Variants in ZNF678 observed in about 807,000 individuals in gnomAD.
The protein encoded by ZNF678 is hypothetical protein MGC42493.
A neutral mutation model predicts 3.0 loss-of-function variants in ZNF678; 5 were observed. The ratio of observed to expected loss-of-function variants is 1.69; its 90% confidence interval spans 0.88 to 3.56. The LOEUF (loss-of-function observed/expected upper bound fraction) is 3.56. Among genes scored for constraint, ZNF678 ranks in the 30% most tolerant of loss-of-function variants. The pLI is 0.00. For synonymous variants in ZNF678, 218 were observed against 199.6 expected, an observed-to-expected ratio of 1.09 and a Z score of -0.78; for missense variants, 593 against 605.0, an observed-to-expected ratio of 0.98 and a Z score of 0.21.
In ZNF678 at chr1:227,654,627, A is replaced by T. The variant is rs1478282119; in HGVS notation, c.377A>T (p.Lys126Ile). The change falls in exon 4 of 4, where the codon AAA (lysine) becomes ATA (isoleucine). Residue 126 changes from lysine to isoleucine, a missense_variant. Physicochemically the swap from Lys to Ile is moderately radical, Grantham distance 102. Transcript: ENST00000343776. ...ATTCATACTGGAGAGAAGCCATACA[A>T]ATGTGAAGAATGTGGCAAAGTTTTC... ...KRIHTGEKPYKCEECGKVFNR... is the reference protein window; with the variant it reads ...KRIHTGEKPYICEECGKVFNR... 3 of 1,613,332 alleles carry T rather than the reference A, an allele frequency of 1.9e-6. No homozygotes were observed. In the East Asian group the frequency reaches 6.7e-5, roughly 36 times the overall value.
Position 227,638,164 on chromosome 1 carries a change from C to T in ZNF678, c.-163-8380C>T, listed in dbSNP as rs528717064. Among the ~76,000 whole-genome samples the T allele has an allele frequency of 2.6e-5, 4 of 151,960 alleles. No individual in the cohort carries two copies. Among genetic ancestry groups the T allele is most frequent in the Admixed American group, 6.5e-5 (1 of 15,270 alleles). ...GTGAGCTGACGTGAAAGGTGGGTGT[C>T]GGGGTTTTCCCAAGTAAAGGCAAAG... On this transcript the variant is annotated intron_variant, in intron 1 of 3. Coordinates refer to ENST00000343776, the MANE Select transcript of ZNF678 (RefSeq NM_001367909.1). The surrounding 1 kb of genome is among the most constrained non-coding windows in gnomAD (Gnocchi z 4.2).
chr1:227,610,392 G>T (rs924984820), intron 1 of ZNF678, among the ~76,000 whole-genome samples: 1 of 152,144 alleles, frequency 6.6e-6, no homozygotes, highest in African/African-American at 2.4e-5. Flanking sequence ...GATTACTATA[G>T]CTTTGTTAGT....
intron 1 of ZNF678, among the ~76,000 whole-genome samples, chr1:227,565,645 A>G (rs934344478): frequency 1.3e-5 from 2 of 152,304 alleles, no homozygotes; most frequent in Middle Eastern, 3.4e-3. Flanking sequence ...ACTCTATTGT[A>G]AAGAAATATT....
At chr1:227,575,767 CTTCCA>C (rs1377136940) in intron 1 of ZNF678, among the ~76,000 whole-genome samples, 1 of 152,150 alleles carries the variant, frequency 6.6e-6, no homozygotes, top group Non-Finnish European at 1.5e-5. Context: ...CTGGCCAGGA[CTTCCA>C]TTACTATGTT....
At chr1:227,577,475 TTTACTA>T (rs1317077390) in intron 1 of ZNF678, among the ~76,000 whole-genome samples, 1 of 152,244 alleles carries the variant, frequency 6.6e-6, no homozygotes, top group East Asian at 1.9e-4. Context: ...AATTGAATCT[TTTACTA>T]TTATGTAATG....
In ZNF678 at chr1:227,662,203, ATTACTGTGAATCC is replaced by A. The variant is rs891322352; in HGVS notation, c.*6377_*6389del. The A allele has an allele frequency of 6.6e-6, 1 of 152,162 alleles. No homozygotes were observed. 9.4% of individuals were successfully genotyped at this position (152,162 alleles called of 1,614,324 possible). A position where few individuals can be genotyped will look rare whatever the true frequency, so the allele number is the denominator to read the frequency against. ...CTGTATTAATAGCCTGTGTTAAGAG[ATTACTGTGAATCC>A]TGAAAAACATCCTCATTGTAGAGAT... On this transcript the variant is annotated 3_prime_UTR_variant, in exon 4 of 4. Transcript: ENST00000343776.
chr1:227,568,700 A>G (rs1656761078), intron 1 of ZNF678, among the ~76,000 whole-genome samples: 1 of 152,220 alleles, frequency 6.6e-6, no homozygotes, highest in Non-Finnish European at 1.5e-5. Context: ...AGTTACAGGC[A>G]GTCACTCAAG....
intron 1 of ZNF678, among the ~76,000 whole-genome samples, chr1:227,580,924 CA>C (rs11350768): frequency 0.26 from 33,180 of 129,574 alleles, 3,941 homozygotes; most frequent in East Asian, 0.47. Flanking sequence ...AACTCCCTCT[CA>C]AAAAAAAAAA....
chr1:227,593,580 G>A (rs893100393), intron 1 of ZNF678, among the ~76,000 whole-genome samples: 2 of 152,088 alleles, frequency 1.3e-5, no homozygotes, highest in Non-Finnish European at 2.9e-5. Context: ...GGTCAGGAGG[G>A]ACAGAAGTAC....
At chr1:227,630,996 G>A (rs1658534485) in intron 1 of ZNF678, among the ~76,000 whole-genome samples, 1 of 75,964 alleles carries the variant, frequency 1.3e-5, no homozygotes, top group African/African-American at 1.1e-4. Flanking sequence ...CAGGAGGCCA[G>A]GTTTCTCCCC....
chr1:227,635,701 C>T (rs1658660975), intron 1 of ZNF678, among the ~76,000 whole-genome samples: 1 of 152,094 alleles, frequency 6.6e-6, no homozygotes, highest in South Asian at 2.1e-4. Flanking sequence ...GTAACTGCTA[C>T]ATTGTTGTAC....
chr1:227,600,095 T>C (rs1571877315), intron 1 of ZNF678, among the ~76,000 whole-genome samples: 1 of 152,332 alleles, frequency 6.6e-6, no homozygotes, highest in Admixed American at 6.5e-5. Flanking sequence ...TAGCTAATAA[T>C]AATGGCCTCC....
chr1:227,650,081 T>C (rs1245652908), intron 2 of ZNF678, among the ~76,000 whole-genome samples: 1 of 152,200 alleles, frequency 6.6e-6, no homozygotes, highest in East Asian at 1.9e-4. Context: ...ATTCAAAAAA[T>C]CATTACCACA....
intron 1 of ZNF678, among the ~76,000 whole-genome samples, chr1:227,629,340 TC>T (rs1658496193): frequency 6.6e-6 from 1 of 152,238 alleles, no homozygotes; most frequent in African/African-American, 2.4e-5. Flanking sequence ...AAATGGGTGT[TC>T]CTTCTCCTAT....
intron 1 of ZNF678, among the ~76,000 whole-genome samples, chr1:227,606,094 A>G (rs1025703233): frequency 1.6e-4 from 24 of 152,232 alleles, no homozygotes; most frequent in Non-Finnish European, 5.9e-5. Context: ...AAGAAATAAG[A>G]CACAGAGACA....
At chr1:227,620,009 C>G (rs1658241272) in intron 1 of ZNF678, among the ~76,000 whole-genome samples, 1 of 152,168 alleles carries the variant, frequency 6.6e-6, no homozygotes, top group African/African-American at 2.4e-5. Context: ...AGGTCAGAAC[C>G]TTTACCTTAC....
intron 1 of ZNF678, among the ~76,000 whole-genome samples, chr1:227,567,856 T>G (rs953282246): frequency 6.6e-6 from 1 of 152,142 alleles, no homozygotes; most frequent in Non-Finnish European, 1.5e-5. Flanking sequence ...GAAAAGTTAC[T>G]TAATTCTAAA....
chr1:227,630,109 C>T lies in ZNF678; in HGVS notation c.-163-16435C>T, dbSNP rs543128786. Among the ~76,000 whole-genome samples the T allele has an allele frequency of 5.6e-4, 85 of 152,288 alleles. 1 individual carries two copies. The highest frequency in any genetic ancestry group is 3.4e-3 in the Middle Eastern group (1 of 294). ...TGTCTGCAGCTGACTGAGTGATAAA[C>T]TTATCCTTTAAGATTAGTTGGCCTT... On this transcript the variant is annotated intron_variant, in intron 1 of 3. Transcript: ENST00000343776.
In ZNF678 at chr1:227,657,032, T is replaced by G. The variant is rs1395573421; in HGVS notation, c.*1204T>G. On this transcript the variant is annotated 3_prime_UTR_variant, in exon 4 of 4. Transcript: ENST00000343776. ...GTTTTTTTTATGTGATATGCTTTGGTTTTTTTGTGCCTTACCTCATGTTGA... is the reference window on the plus strand; with the variant it reads ...GTTTTTTTTATGTGATATGCTTTGGGTTTTTTGTGCCTTACCTCATGTTGA... The G allele has an allele frequency of 3.3e-5, 5 of 151,786 alleles. No homozygotes were observed. The highest frequency in any genetic ancestry group is 4.4e-5 in the Non-Finnish European group (3 of 67,856). The allele number at this position is 151,786 out of a possible 1,614,324, so 9.4% of individuals were successfully genotyped here.
Sources: allele counts gnomAD v4.1 joint callset (sites outside exome capture counted in the v4.1 genomes callset), GRCh38; gene constraint gnomAD v4.1.1; non-coding constraint Gnocchi (gnomAD v3.1); transcripts MANE v1.5; gene names NCBI Gene and HGNC (gene_info 2026-07-23, HGNC 2026-07-21).